SNX24: variants seen among roughly 807,000 people sequenced by gnomAD.
SNX24 encodes the protein sorting nexin 24, also known as sorting nexin-24.
A neutral mutation model predicts 28.7 loss-of-function variants in SNX24; 22 were observed. That is an observed-to-expected ratio of 0.77 (90% CI 0.55 to 1.10). The LOEUF (loss-of-function observed/expected upper bound fraction) is 1.10, where lower values mean the gene tolerates loss of function less well. Among genes scored for constraint, SNX24 ranks in the 50% least tolerant of loss-of-function variants. SNX24 has a pLI of 0.00. For synonymous variants in SNX24, 69 were observed against 71.5 expected (o/e 0.96, Z 0.18); for missense variants, 221 against 201.1 (o/e 1.10, Z -0.60).
chr5:122,949,011 A>G (rs1469391806), intron 3 of SNX24, among the ~76,000 whole-genome samples: 2 of 152,196 alleles, frequency 1.3e-5, no homozygotes, highest in Admixed American at 6.5e-5. Flanking sequence ...AATAGCAAAA[A>G]CTATGCATAT....
At chr5:122,975,416 G>A (rs973594523) in intron 3 of SNX24, among the ~76,000 whole-genome samples, 1 of 151,528 alleles carries the variant, frequency 6.6e-6, no homozygotes. Context: ...ATATTTCAAT[G>A]AGTCATGTCT....
chr5:122,985,701 C>T (rs1487306706), intron 3 of SNX24, among the ~76,000 whole-genome samples: 1 of 152,376 alleles, frequency 6.6e-6, no homozygotes, highest in Non-Finnish European at 1.5e-5. Context: ...GGGTCAGACA[C>T]TTGTTGCGGT....
intron 2 of SNX24, among the ~76,000 whole-genome samples, chr5:122,941,187 C>G (rs945072808): frequency 6.6e-6 from 1 of 152,180 alleles, no homozygotes; most frequent in Non-Finnish European, 1.5e-5. Flanking sequence ...GGATAACCCC[C>G]CTTTTCAGAA....
At chr5:122,937,472 C>T (rs2150117692) in intron 2 of SNX24, among the ~76,000 whole-genome samples, 1 of 152,256 alleles carries the variant, frequency 6.6e-6, no homozygotes, top group South Asian at 2.1e-4. Context: ...GTAAATGCTT[C>T]TTTATTTTCT....
chr5:122,880,594 T>C (rs1756436518), intron 1 of SNX24, among the ~76,000 whole-genome samples: 1 of 152,206 alleles, frequency 6.6e-6, no homozygotes, highest in African/African-American at 2.4e-5. Flanking sequence ...AAAATGGACC[T>C]GATAAAAATG....
intron 5 of SNX24, among the ~76,000 whole-genome samples, 158 bp downstream of exon 5, chr5:123,001,595 GT>G (rs1204532130): frequency 1.3e-5 from 2 of 152,194 alleles, no homozygotes; most frequent in African/African-American, 4.8e-5. Flanking sequence ...GGAGTAACCA[GT>G]TAGAATTAAG....
chr5:122,987,744 T>A (rs567227275), intron 3 of SNX24, among the ~76,000 whole-genome samples: 1 of 152,116 alleles, frequency 6.6e-6, no homozygotes, highest in Admixed American at 6.6e-5. Context: ...AGATTGGAAG[T>A]CTCGCCAATA....
At chr5:122,917,413 A>G (rs1046354627) in intron 1 of SNX24, among the ~76,000 whole-genome samples, 1 of 152,188 alleles carries the variant, frequency 6.6e-6, no homozygotes, top group Non-Finnish European at 1.5e-5. Flanking sequence ...GGCATCCAAA[A>G]ATGATTCAGT....
chr5:122,893,282 C>T (rs1440297901), intron 1 of SNX24, among the ~76,000 whole-genome samples: 1 of 151,020 alleles, frequency 6.6e-6, no homozygotes, highest in Non-Finnish European at 1.5e-5. Context: ...TTGACATGAC[C>T]CCATTTTTTT....
chr5:122,931,314 G>T (rs1158290295), intron 1 of SNX24, among the ~76,000 whole-genome samples: 4 of 151,996 alleles, frequency 2.6e-5, no homozygotes, highest in Non-Finnish European at 5.9e-5. Flanking sequence ...CTTAGAAATC[G>T]AATATCATAA....
chr5:122,926,635 G>A (rs942331936), intron 1 of SNX24, among the ~76,000 whole-genome samples: 1 of 151,428 alleles, frequency 6.6e-6, no homozygotes, highest in African/African-American at 2.4e-5. Flanking sequence ...AAAATTGCCT[G>A]TTTAAGAACT....
chr5:122,908,992 C>T (rs796276591), intron 1 of SNX24, among the ~76,000 whole-genome samples: 9 of 152,202 alleles, frequency 5.9e-5, no homozygotes, highest in African/African-American at 1.9e-4. Flanking sequence ...GTTGTGATTG[C>T]GAGACTGACC....
intron 1 of SNX24, among the ~76,000 whole-genome samples, chr5:122,931,863 G>A (rs1483399181): frequency 6.6e-6 from 1 of 151,136 alleles, no homozygotes; most frequent in Admixed American, 6.6e-5. Context: ...TGCTTTAGAA[G>A]TGATCACTTT....
Position 122,882,215 on chromosome 5 carries a change from T to C in SNX24, c.60+36522T>C, listed in dbSNP as rs146745045. Among the ~76,000 whole-genome samples, 972 of 152,248 alleles carry C rather than the reference T, an allele frequency of 6.4e-3. 6 individuals are homozygous for C. The highest frequency in any genetic ancestry group is 0.022 in the African/African-American group (916 of 41,562). ...ATTCTCCCACCCCAGCCTCCCAAAA[T>C]GCTGGTATTATAGGCATGAGCCACC... is the stretch of plus-strand genomic sequence containing the variant. On this transcript the variant is annotated intron_variant, in intron 1 of 6. Coordinates refer to ENST00000261369, the MANE Select transcript of SNX24 (RefSeq NM_014035.4).
At chr5:122,948,941 G>A (rs1261929415) in intron 3 of SNX24, among the ~76,000 whole-genome samples, 3 of 152,110 alleles carry the variant, frequency 2.0e-5, no homozygotes, top group African/African-American at 7.2e-5. Context: ...CTGCCTAATT[G>A]ACTATCATCC....
chr5:122,920,432 T>C (rs932277659), intron 1 of SNX24, among the ~76,000 whole-genome samples: 5 of 152,236 alleles, frequency 3.3e-5, no homozygotes, highest in African/African-American at 7.2e-5. Flanking sequence ...TTATTTTGAA[T>C]GGTACAGTAA....
chr5:122,949,502 G>T (rs888056290), intron 3 of SNX24, among the ~76,000 whole-genome samples: 3 of 151,980 alleles, frequency 2.0e-5, no homozygotes, highest in Non-Finnish European at 2.9e-5. Context: ...AGATCTTAAG[G>T]GGAAAAAAGC....
intron 3 of SNX24, among the ~76,000 whole-genome samples, chr5:122,950,805 G>T (rs1759905351): frequency 6.6e-6 from 1 of 152,226 alleles, no homozygotes; most frequent in South Asian, 2.1e-4. Flanking sequence ...AAAAGAAAAG[G>T]GAATATTCTC....
At chr5:123,009,679 G>A (rs571360683), downstream of SNX24, among the ~76,000 whole-genome samples, 14 of 152,216 alleles carry the variant, frequency 9.2e-5, no homozygotes, top group Non-Finnish European at 2.1e-4. Context: ...TTCTGTCAGG[G>A]TTATTGAAGG....
Sources: allele counts gnomAD v4.1 joint callset (sites outside exome capture counted in the v4.1 genomes callset), GRCh38; gene constraint gnomAD v4.1.1; transcripts MANE v1.5; gene names NCBI Gene and HGNC (gene_info 2026-07-23, HGNC 2026-07-21).